Variants in AFDN observed in about 807,000 individuals in gnomAD.
AFDN encodes the protein afadin.
A neutral mutation model predicts 216.6 loss-of-function variants in AFDN; 68 were observed. The observed-to-expected ratio is 0.31, with a 90% confidence interval of 0.26 to 0.38. The LOEUF is 0.38. AFDN is among the 10% of genes least tolerant of loss of function. AFDN has a pLI of 1.00. For missense variants in AFDN, 2,136 were observed against 2,342.0 expected, an observed-to-expected ratio of 0.91 and a Z score of 1.82; for synonymous variants, 868 against 853.7, an observed-to-expected ratio of 1.02 and a Z score of -0.29.
chr6:167,943,207 T>G lies in AFDN; in HGVS notation c.3165+13T>G. ...TGCTGCAGATGTGGTCAGTATCATT[T>G]TGAAAGAAGTACATTTTCAGTGTGT... On this transcript the variant is annotated intron_variant, in intron 24 of 33. Transcript: ENST00000683244. The G allele has an allele frequency of 6.2e-7, 1 of 1,607,404 alleles. No homozygotes were observed. The highest frequency in any genetic ancestry group is 8.5e-7 in the Non-Finnish European group (1 of 1,175,200).
intron 1 of AFDN, among the ~76,000 whole-genome samples, chr6:167,846,852 A>G (rs1781753986): frequency 6.6e-6 from 1 of 152,048 alleles, no homozygotes; most frequent in Admixed American, 6.6e-5. Flanking sequence ...GTTAGTAGAA[A>G]TCAAATATTG....
At chr6:167,904,458 C>T (rs549733895) in intron 12 of AFDN, among the ~76,000 whole-genome samples, 6 of 152,302 alleles carry the variant, frequency 3.9e-5, no homozygotes, top group Admixed American at 3.9e-4. Flanking sequence ...AGTCTGCCTG[C>T]CTCGGCTTCC....
chr6:167,830,069 G>C lies in AFDN; in HGVS notation c.105+2832G>C, dbSNP rs576898354. Among the ~76,000 whole-genome samples the C allele has an allele frequency of 2.0e-5, 3 of 152,304 alleles. No homozygotes were observed. In the East Asian group the frequency reaches 5.8e-4, roughly 29 times the overall value. ...ATAACCAGGAGATTGATGCTAAGCT[G>C]ACTTAATGTCTTGATTACTATGAAA... is the stretch of plus-strand genomic sequence containing the variant. On this transcript the variant is annotated intron_variant, in intron 1 of 33. Coordinates refer to ENST00000683244, the MANE Select transcript of AFDN (RefSeq NM_001386888.1).
intron 1 of AFDN, among the ~76,000 whole-genome samples, chr6:167,837,338 A>G (rs1010704310): frequency 2.0e-5 from 3 of 151,772 alleles, no homozygotes; most frequent in Admixed American, 1.3e-4. Context: ...GAAGGTAACA[A>G]ATTACCTAGT....
At chr6:167,888,691 A>G (rs1281925139) in intron 6 of AFDN, among the ~76,000 whole-genome samples, 2 of 152,236 alleles carry the variant, frequency 1.3e-5, no homozygotes, top group East Asian at 3.8e-4. Context: ...TGAATGAATG[A>G]CTTGCCCTGT....
In AFDN at chr6:167,906,109, A is replaced by G. The variant is rs889303913; in HGVS notation, c.1651-1062A>G. Among the ~76,000 whole-genome samples the G allele has an allele frequency of 3.3e-5, 5 of 152,320 alleles. No individual in the cohort carries two copies. The East Asian group carries it at 5.8e-4, about 18-fold the overall frequency. On this transcript the variant is annotated intron_variant, in intron 12 of 33. Transcript: ENST00000683244. ...CAGAGCGAGACTCCGTCCCAAGAAAAAAAACCAAAAAACTCTTATGGAAGG... is the reference window on the plus strand; with the variant it reads ...CAGAGCGAGACTCCGTCCCAAGAAAGAAAACCAAAAAACTCTTATGGAAGG...
At chr6:167,907,716 A>G (rs949630298) in intron 13 of AFDN, among the ~76,000 whole-genome samples, 54 of 152,196 alleles carry the variant, frequency 3.5e-4, no homozygotes, top group African/African-American at 1.2e-3. Flanking sequence ...AAGAATTATA[A>G]ATGCCATATT....
intron 1 of AFDN, among the ~76,000 whole-genome samples, chr6:167,842,602 G>T (rs1054897774): frequency 6.6e-6 from 1 of 152,096 alleles, no homozygotes; most frequent in African/African-American, 2.4e-5. Flanking sequence ...TTTCGTGGTA[G>T]CTGCTATTTA....
chr6:167,953,135 T>G (rs149383506), intron 30 of AFDN, among the ~76,000 whole-genome samples: 10 of 152,232 alleles, frequency 6.6e-5, no homozygotes, highest in Non-Finnish European at 1.5e-4. Context: ...TTTTTCTTTT[T>G]TAGACACAGT....
chr6:167,889,140 T>TA, intron 6 of AFDN, 75 bp from the exon 7 acceptor site: 2 of 936,908 alleles, frequency 2.1e-6, no homozygotes, highest in Non-Finnish European at 3.4e-6. Flanking sequence ...TCAAAAGCAA[T>TA]AAATGTGTTC....
intron 1 of AFDN, 123 bp from the exon 2 acceptor site, chr6:167,864,428 C>A: frequency 1.1e-6 from 1 of 930,726 alleles, no homozygotes; most frequent in Non-Finnish European, 1.8e-6. Flanking sequence ...CTACATTAGT[C>A]TCAGATGTTT....
intron 1 of AFDN, among the ~76,000 whole-genome samples, chr6:167,839,427 A>G (rs538005880): frequency 3.3e-5 from 5 of 151,854 alleles, no homozygotes; most frequent in Admixed American, 2.6e-4. Context: ...CTTCAATTGT[A>G]GGGATTTATA....
rs1250919942 is a variant in AFDN, at chr6:167,922,970, T to C, written c.3012+11T>C. ...GAGAACACAGAGCTGGCAAGTATTT[T>C]GAGGGTACCATGAAGTGAAATGGAT... On this transcript the variant is annotated intron_variant, in intron 22 of 33. Transcript: ENST00000683244. 5 of 1,585,938 alleles carry C rather than the reference T, an allele frequency of 3.2e-6. No homozygotes were observed. The Admixed American group carries it at 8.4e-5, about 27-fold the overall frequency.
chr6:167,935,354 G>A (rs796460269), intron 23 of AFDN, among the ~76,000 whole-genome samples: 7 of 152,276 alleles, frequency 4.6e-5, no homozygotes, highest in African/African-American at 1.7e-4. Flanking sequence ...CCTCTGATAC[G>A]CTGAAATTGC....
In AFDN at chr6:167,951,513, G is replaced by T; in HGVS notation, c.4159G>T (p.Asp1387Tyr). ...TCCAGTCCACTATGCCGGTGATTTCGATGGAATGTCCATGGATTTGCCTCT... is the reference window on the plus strand; with the variant it reads ...TCCAGTCCACTATGCCGGTGATTTCTATGGAATGTCCATGGATTTGCCTCT... ...PPPVHYAGDFDGMSMDLPLPP... is the reference protein window; with the variant it reads ...PPPVHYAGDFYGMSMDLPLPP... The change falls in exon 30 of 34, where the codon GAT becomes TAT. Residue 1387 changes from aspartate (D) to tyrosine (Y), a missense_variant. Asp to Tyr is a radical substitution (Grantham distance 160). Coordinates refer to ENST00000683244, the MANE Select transcript of AFDN (RefSeq NM_001386888.1). The surrounding 1 kb of genome is among the most constrained non-coding windows in gnomAD (Gnocchi z 7.1). 6.2e-7 allele frequency: 1 copy of T among 1,613,906 alleles called. No homozygotes were observed. The highest frequency in any genetic ancestry group is 1.1e-5 in the South Asian group (1 of 91,018).
At position 167,872,358 on chromosome 6, in the gene AFDN, C is replaced by T; in HGVS notation, c.559C>T (p.Pro187Ser). Residue 187 changes from proline (P) to serine (S), a missense_variant, in exon 4 of 34, where the codon CCT becomes TCT. Coordinates refer to ENST00000683244, the MANE Select transcript of AFDN (RefSeq NM_001386888.1). ...ACAGGCATCTGATAAAGATGATAGA[C>T]CTTTCCAAGGGGAGGATGTGTAAGT... Reference protein sequence around the residue: ...LRQASDKDDRPFQGEDVENSR... With the variant: ...LRQASDKDDRSFQGEDVENSR... 2 of 1,610,860 alleles carry T rather than the reference C, an allele frequency of 1.2e-6. No individual in the cohort carries two copies. Among genetic ancestry groups the T allele is most frequent in the Non-Finnish European group, 8.5e-7 (1 of 1,179,216 alleles).
At chr6:167,891,401 AGGGGTG>A (rs1322074931) in intron 8 of AFDN, among the ~76,000 whole-genome samples, 172 of 85,232 alleles carry the variant, frequency 2.0e-3, no homozygotes, top group African/African-American at 6.4e-3. Context: ...GATTTCATAA[AGGGGTG>A]GGTGTGTGTG....
At chr6:167,913,527 A>T in intron 16 of AFDN, 104 bp downstream of exon 16, 1 of 1,050,482 alleles carries the variant, frequency 9.5e-7, no homozygotes, top group Non-Finnish European at 1.4e-6. Flanking sequence ...TGAACAGCTC[A>T]TAACACTCAT....
At chr6:167,887,522 C>G (rs1787011742) in intron 6 of AFDN, among the ~76,000 whole-genome samples, 1 of 150,688 alleles carries the variant, frequency 6.6e-6, no homozygotes, top group Non-Finnish European at 1.5e-5. Flanking sequence ...ATGGCACGAT[C>G]TCGGCTCACT....
Sources: allele counts gnomAD v4.1 joint callset (sites outside exome capture counted in the v4.1 genomes callset), GRCh38; gene constraint gnomAD v4.1.1; non-coding constraint Gnocchi (gnomAD v3.1); transcripts MANE v1.5; gene names NCBI Gene and HGNC (gene_info 2026-07-23, HGNC 2026-07-21).